The following KCNIP3 variants were observed in gnomAD, a reference collection of about 807,000 sequenced individuals.
KCNIP3 encodes calsenilin.
A neutral mutation model predicts 35.0 loss-of-function variants in KCNIP3; 28 were observed. The observed-to-expected ratio is 0.80, with a 90% CI of 0.59 to 1.10. KCNIP3 has a LOEUF of 1.10. Ranked by LOEUF, KCNIP3 falls within the 50% of genes least tolerant of loss-of-function variation. The pLI, the probability that KCNIP3 is intolerant of heterozygous loss-of-function variation, is 0.00. For synonymous variants in KCNIP3, 134 were observed against 133.8 expected (o/e 1.00, Z -0.01); for missense variants, 295 against 338.4 (o/e 0.87, Z 1.01).
rs1318913533 is a variant in KCNIP3, at chr2:95,384,259, G to GGCTAGGGGCCGAGTCCA, written c.*212_*228dup. ...CAGAGTTCAGGGAGGGGCTGAGTCT[G>GGCTAGGGGCCGAGTCCA]GCTAGGGGCCGAGTCCAGGAGCCCC... On this transcript the variant is annotated 3_prime_UTR_variant, in exon 9 of 9. Transcript: ENST00000295225. 10 of 575,380 alleles carry GGCTAGGGGCCGAGTCCA rather than the reference G, an allele frequency of 1.7e-5. No homozygotes were observed. The highest frequency in any genetic ancestry group is 1.3e-4 in the African/African-American group (7 of 53,428). The allele number at this position is 575,380 out of a possible 1,614,324, so 35.6% of individuals were successfully genotyped here.
At chr2:95,346,389 G>C (rs1018635393) in intron 2 of KCNIP3, among the ~76,000 whole-genome samples, 1 of 151,444 alleles carries the variant, frequency 6.6e-6, no homozygotes, top group Admixed American at 6.6e-5. Flanking sequence ...GCCTCCAGGG[G>C]CTGGCGGAGC....
chr2:95,336,018 C>T (rs1274906484), intron 2 of KCNIP3, among the ~76,000 whole-genome samples: 1 of 152,178 alleles, frequency 6.6e-6, no homozygotes, highest in Non-Finnish European at 1.5e-5. Flanking sequence ...GTTGTATTTG[C>T]ACTTCCTTGT....
intron 2 of KCNIP3, among the ~76,000 whole-genome samples, chr2:95,371,769 A>T (rs1404030000): frequency 4.7e-5 from 7 of 149,598 alleles, no homozygotes; most frequent in African/African-American, 1.7e-4. Context: ...TAAAACATCC[A>T]GCTTTCTTAA....
chr2:95,367,109 C>A (rs1206005189), intron 2 of KCNIP3, among the ~76,000 whole-genome samples: 1 of 151,940 alleles, frequency 6.6e-6, no homozygotes, highest in African/African-American at 2.4e-5. Context: ...CCTGTCTCTA[C>A]TAAAAATACA....
Position 95,384,269 on chromosome 2 carries a change from C to G in KCNIP3, c.*220C>G, listed in dbSNP as rs1184114662. 5 of 561,776 alleles carry G rather than the reference C, an allele frequency of 8.9e-6. No homozygotes were observed. In the East Asian group the frequency reaches 1.2e-4, roughly 13 times the overall value. 34.8% of individuals were successfully genotyped at this position (561,776 alleles called of 1,614,324 possible). A position where few individuals can be genotyped will look rare whatever the true frequency, so the allele number is the denominator to read the frequency against. ...GGAGGGGCTGAGTCTGGCTAGGGGC[C>G]GAGTCCAGGAGCCCCAGCCAGCCCT... On this transcript the variant is annotated 3_prime_UTR_variant, in exon 9 of 9. Coordinates refer to ENST00000295225, the MANE Select transcript of KCNIP3 (RefSeq NM_013434.5).
intron 2 of KCNIP3, among the ~76,000 whole-genome samples, chr2:95,329,355 C>A (rs1678870402): frequency 6.6e-6 from 1 of 152,218 alleles, no homozygotes; most frequent in Admixed American, 6.5e-5. Flanking sequence ...GAGGCCCATG[C>A]ATCTCCCTTG....
intron 1 of KCNIP3, among the ~76,000 whole-genome samples, chr2:95,306,715 C>T (rs1282572193): frequency 6.6e-6 from 1 of 152,118 alleles, no homozygotes; most frequent in African/African-American, 2.4e-5. Context: ...CTGGGGCTCC[C>T]GGCAGGGTTG....
intron 2 of KCNIP3, among the ~76,000 whole-genome samples, chr2:95,315,388 G>A (rs921291809): frequency 6.6e-5 from 10 of 152,170 alleles, no homozygotes; most frequent in Non-Finnish European, 7.4e-5. Context: ...GGTGCACAGA[G>A]GGGACCACTG....
At chr2:95,341,904 A>G (rs1250116749) in intron 2 of KCNIP3, among the ~76,000 whole-genome samples, 1 of 152,210 alleles carries the variant, frequency 6.6e-6, no homozygotes, top group East Asian at 1.9e-4. Flanking sequence ...ACGTAAGCAA[A>G]TATCTATGTT....
chr2:95,357,944 G>A (rs1219976741), intron 2 of KCNIP3, among the ~76,000 whole-genome samples: 4 of 152,220 alleles, frequency 2.6e-5, no homozygotes. Context: ...TCACACAGGG[G>A]CATGAATGTG....
chr2:95,333,504 G>T (rs1490334661), intron 2 of KCNIP3, among the ~76,000 whole-genome samples: 1 of 152,190 alleles, frequency 6.6e-6, no homozygotes, highest in Non-Finnish European at 1.5e-5. Flanking sequence ...GGTCAACCTA[G>T]CCTCGAAGAA....
chr2:95,363,222 C>A (rs560525022), intron 2 of KCNIP3, among the ~76,000 whole-genome samples: 1 of 152,276 alleles, frequency 6.6e-6, no homozygotes, highest in South Asian at 2.1e-4. Flanking sequence ...GGCTCTTTTA[C>A]ATTTTATTAT....
chr2:95,325,261 T>G (rs867416752), intron 2 of KCNIP3, among the ~76,000 whole-genome samples: 1 of 151,754 alleles, frequency 6.6e-6, no homozygotes, highest in South Asian at 2.1e-4. Flanking sequence ...GGGACTGGAG[T>G]GGGGCCTGGC....
At chr2:95,357,142 A>G (rs1386698114) in intron 2 of KCNIP3, among the ~76,000 whole-genome samples, 2 of 152,230 alleles carry the variant, frequency 1.3e-5, no homozygotes, top group Admixed American at 6.5e-5. Flanking sequence ...ACCTAGACAC[A>G]GGTGGTAGCA....
chr2:95,314,253 C>T (rs1678399336), intron 2 of KCNIP3, among the ~76,000 whole-genome samples: 1 of 152,174 alleles, frequency 6.6e-6, no homozygotes, highest in Non-Finnish European at 1.5e-5. Context: ...TTTGAAGATA[C>T]AGGATACAAT....
chr2:95,339,581 C>CAA (rs34967390), intron 2 of KCNIP3, among the ~76,000 whole-genome samples: 2 of 118,748 alleles, frequency 1.7e-5, no homozygotes, highest in African/African-American at 3.2e-5. Flanking sequence ...AAGACCCTGT[C>CAA]AAAAAAAAAA....
At chr2:95,312,475 G>C (rs981808681) in intron 2 of KCNIP3, 1 of 152,448 alleles carries the variant, frequency 6.6e-6, no homozygotes, top group Non-Finnish European at 1.5e-5. Context: ...GTCAGGACAC[G>C]TTTGCTGAAC....
At chr2:95,381,730 G>A (rs754644123) in intron 6 of KCNIP3, 27 bp downstream of exon 6, 5 of 1,485,700 alleles carry the variant, frequency 3.4e-6, no homozygotes, top group Non-Finnish European at 4.7e-6. Context: ...GGCAGGGATT[G>A]TCCCCTCCTC....
chr2:95,378,877 CAT>C lies in KCNIP3; in HGVS notation c.448-2711_448-2710del, dbSNP rs915127347. Among the ~76,000 whole-genome samples, 2 of 136,418 alleles carry C rather than the reference CAT, an allele frequency of 1.5e-5. No homozygotes were observed. Among genetic ancestry groups the C allele is most frequent in the East Asian group, 2.2e-4 (1 of 4,470 alleles). The allele number at this position is 136,418 out of a possible 152,430, so 89.5% of individuals were successfully genotyped here. On this transcript the variant is annotated intron_variant, in intron 5 of 8. Transcript: ENST00000295225. This position sits in a 1 kb window ranked among gnomAD's most constrained non-coding sequence, Gnocchi z 4.0. ...ATATACACATATATACACACACACA[CAT>C]ATATATACACACACACACATATATA...
Sources: allele counts gnomAD v4.1 joint callset (sites outside exome capture counted in the v4.1 genomes callset), GRCh38; gene constraint gnomAD v4.1.1; non-coding constraint Gnocchi (gnomAD v3.1); transcripts MANE v1.5; gene names NCBI Gene and HGNC (gene_info 2026-07-23, HGNC 2026-07-21).